Variants in IL1R1 observed in about 807,000 individuals in gnomAD.
The protein encoded by IL1R1 is interleukin 1 receptor type 1.
In IL1R1, 22 loss-of-function variants were observed where a neutral mutation model predicts 50.2. The ratio of observed to expected loss-of-function variants is 0.44; its 90% CI spans 0.31 to 0.63. The LOEUF (loss-of-function observed/expected upper bound fraction) is 0.63. Ranked by LOEUF, IL1R1 falls within the 20% of genes least tolerant of loss-of-function variation. IL1R1 has a pLI of 0.07. For missense variants in IL1R1, 509 were observed against 676.2 expected, an observed-to-expected ratio of 0.75 and a Z score of 2.74; for synonymous variants, 251 against 236.7, an observed-to-expected ratio of 1.06 and a Z score of -0.55.
At chr2:102,106,848 T>C (rs1680441786) in intron 1 of IL1R1, among the ~76,000 whole-genome samples, 1 of 152,208 alleles carries the variant, frequency 6.6e-6, no homozygotes, top group Non-Finnish European at 1.5e-5. Context: ...GTTTATTAAA[T>C]CCTGTTGGCA....
At position 102,125,012 on chromosome 2, in the gene IL1R1, T is replaced by TG. The variant is rs200366414; in HGVS notation, c.-84+20140_-84+20141insG. Among the ~76,000 whole-genome samples, 1,130 of 152,246 alleles carry TG rather than the reference T, an allele frequency of 7.4e-3. 12 individuals are homozygous for TG. The highest frequency in any genetic ancestry group is 0.025 in the African/African-American group (1,047 of 41,546). On this transcript the variant is annotated intron_variant, in intron 1 of 10. Transcript: ENST00000409329. The stretch of plus-strand genomic sequence containing the variant: ...CATAATCCAATCACCTCCCATCAGG[T>TG]TCCTCCCTTGACACATGGAGATTAC...
chr2:102,175,746 T>C, intron 11 of IL1R1, 101 bp downstream of exon 11: 2 of 1,061,906 alleles, frequency 1.9e-6, no homozygotes, highest in Non-Finnish European at 1.5e-6. Context: ...GGGGTATATG[T>C]TTCACAATTT....
chr2:102,082,147 T>G (rs1679238756), intron 1 of IL1R1, among the ~76,000 whole-genome samples: 1 of 152,176 alleles, frequency 6.6e-6, no homozygotes, highest in African/African-American at 2.4e-5. Flanking sequence ...TCCTGTTCCT[T>G]CTTGGCTTTA....
chr2:102,104,838 A>T (rs1224931889), exon 1 of IL1R1: 1 of 152,224 alleles, frequency 6.6e-6, no homozygotes, highest in Non-Finnish European at 1.5e-5. Flanking sequence ...GAGGCCAGCC[A>T]TTCCCAAATG....
At chr2:102,083,500 C>A (rs1465564291) in intron 1 of IL1R1, among the ~76,000 whole-genome samples, 1 of 152,152 alleles carries the variant, frequency 6.6e-6, no homozygotes, top group African/African-American at 2.4e-5. Flanking sequence ...AATCCCTGAG[C>A]TGGCCTTGAC....
At chr2:102,156,294 G>T (rs901587238) in intron 2 of IL1R1, 11 of 152,606 alleles carry the variant, frequency 7.2e-5, no homozygotes, top group African/African-American at 2.7e-4. Flanking sequence ...TGGGAAGCCA[G>T]CTGATGTGAA....
intron 2 of IL1R1, among the ~76,000 whole-genome samples, chr2:102,156,788 C>T (rs1302187899): frequency 6.6e-6 from 1 of 152,188 alleles, no homozygotes; most frequent in Non-Finnish European, 1.5e-5. Context: ...ACTGGGATTA[C>T]AGGGGTAAAC....
At chr2:102,116,070 G>A (rs1468815374) in intron 1 of IL1R1, among the ~76,000 whole-genome samples, 1 of 152,162 alleles carries the variant, frequency 6.6e-6, no homozygotes, top group Non-Finnish European at 1.5e-5. Flanking sequence ...TCACTGTGTG[G>A]CCCATGTAGG....
chr2:102,158,586 G>C (rs3917244), intron 3 of IL1R1, among the ~76,000 whole-genome samples: 2,892 of 152,298 alleles, frequency 0.019, 69 homozygotes, highest in South Asian at 0.09. Flanking sequence ...TATTTGGCAG[G>C]CTTTCAGAAT....
At chr2:102,129,256 T>TACAACAACAACA (rs71866133) in intron 1 of IL1R1, among the ~76,000 whole-genome samples, 31 of 149,522 alleles carry the variant, frequency 2.1e-4, no homozygotes, top group African/African-American at 3.9e-4. Context: ...CCCAAAAACC[T>TACAACAACAACA]ACAACAACAA....
upstream of IL1R1, among the ~76,000 whole-genome samples, chr2:102,100,192 T>C (rs552764300): frequency 1.3e-5 from 2 of 152,364 alleles, no homozygotes; most frequent in African/African-American, 4.8e-5. Flanking sequence ...AGTTCTGCTT[T>C]CTAAACTTGT....
chr2:102,136,896 T>C (rs971325809), intron 1 of IL1R1, among the ~76,000 whole-genome samples: 1 of 152,210 alleles, frequency 6.6e-6, no homozygotes, highest in Non-Finnish European at 1.5e-5. Context: ...TCTTTACTAG[T>C]GGAGACTTAC....
At position 102,177,034 on chromosome 2, in the gene IL1R1, AG is replaced by A. The variant is rs1261638932; in HGVS notation, c.*276del. The A allele has an allele frequency of 8.4e-6, 3 of 356,782 alleles. No individual in the cohort carries two copies. The highest frequency in any genetic ancestry group is 6.2e-5 in the African/African-American group (3 of 48,728). 22.1% of individuals were successfully genotyped at this position (356,782 alleles called of 1,614,324 possible). On this transcript the variant is annotated 3_prime_UTR_variant, in exon 12 of 12. Coordinates refer to ENST00000410023, the MANE Select transcript of IL1R1 (RefSeq NM_000877.4). ...TAATCCCAGCACTTTGGGAGGCTGAAGTGGGTGGATCACCAGAGGTCAGGAG... is the reference window on the plus strand; with the variant it reads ...TAATCCCAGCACTTTGGGAGGCTGAATGGGTGGATCACCAGAGGTCAGGAG...
intron 3 of IL1R1, among the ~76,000 whole-genome samples, chr2:102,158,769 A>G (rs886867899): frequency 2.0e-5 from 3 of 152,084 alleles, no homozygotes; most frequent in Admixed American, 1.3e-4. Flanking sequence ...TTCTTTGTTT[A>G]AGACCAGAGA....
chr2:102,150,298 G>T (rs1683536833), intron 1 of IL1R1, among the ~76,000 whole-genome samples: 1 of 152,168 alleles, frequency 6.6e-6, no homozygotes, highest in Non-Finnish European at 1.5e-5. Flanking sequence ...CGTGCACTGG[G>T]TATGAAATTC....
chr2:102,148,828 CTT>C (rs1683381475), intron 1 of IL1R1, among the ~76,000 whole-genome samples: 1 of 152,070 alleles, frequency 6.6e-6, no homozygotes, highest in Non-Finnish European at 1.5e-5. Flanking sequence ...ATGATGGGGA[CTT>C]TTTAATAGCT....
chr2:102,162,001 T>C (rs3917265), intron 3 of IL1R1, among the ~76,000 whole-genome samples: 76,406 of 152,016 alleles, frequency 0.5, 19,344 homozygotes, highest in Non-Finnish European at 0.53. Context: ...CACGCCTGGC[T>C]GACTTCTTTA....
At chr2:102,147,383 G>A (rs954998327) in intron 1 of IL1R1, among the ~76,000 whole-genome samples, 7 of 152,200 alleles carry the variant, frequency 4.6e-5, no homozygotes, top group African/African-American at 1.4e-4. Context: ...TGCCTGACTG[G>A]GAGGCAGTGC....
intron 1 of IL1R1, among the ~76,000 whole-genome samples, chr2:102,073,925 G>T (rs901455778): frequency 2.0e-5 from 3 of 152,144 alleles, no homozygotes; most frequent in Non-Finnish European, 4.4e-5. Context: ...CTTTTATGAT[G>T]AGAGGATGGA....
Sources: allele counts gnomAD v4.1 joint callset (sites outside exome capture counted in the v4.1 genomes callset), GRCh38; gene constraint gnomAD v4.1.1; transcripts MANE v1.5; gene names NCBI Gene and HGNC (gene_info 2026-07-23, HGNC 2026-07-21).